Variants in DACH1 observed in about 807,000 individuals in gnomAD.
DACH1 encodes the protein dachshund homolog 1.
DACH1 carries 12 observed loss-of-function variants against 54.2 expected under a neutral mutation model. The ratio of observed to expected loss-of-function variants is 0.22; its 90% CI spans 0.14 to 0.36. DACH1 has a LOEUF of 0.36. Ranked by LOEUF, DACH1 falls within the 10% of genes least tolerant of loss-of-function variation. The pLI is 1.00. For synonymous variants in DACH1, 386 were observed against 366.2 expected (o/e 1.05, Z -0.62); for missense variants, 805 against 929.8 (o/e 0.87, Z 1.75).
intron 2 of DACH1, among the ~76,000 whole-genome samples, chr13:71,634,463 A>G (rs1490833602): frequency 6.6e-6 from 1 of 151,994 alleles, no homozygotes; most frequent in East Asian, 1.9e-4. Context: ...AAACGACTTC[A>G]TTCCTTCTTT....
intron 3 of DACH1, among the ~76,000 whole-genome samples, chr13:71,599,550 T>C (rs1211744494): frequency 6.6e-6 from 1 of 152,138 alleles, no homozygotes; most frequent in Non-Finnish European, 1.5e-5. Context: ...ACTTCTTGAA[T>C]TGGAACTGTA....
intron 1 of DACH1, among the ~76,000 whole-genome samples, chr13:71,687,108 C>T (rs147672224): frequency 1.3e-4 from 20 of 152,232 alleles, no homozygotes; most frequent in East Asian, 9.7e-4. Flanking sequence ...TGGCCCTCTC[C>T]GATCTATTTA....
chr13:71,726,955 T>C (rs1883500389), intron 1 of DACH1, among the ~76,000 whole-genome samples: 1 of 152,088 alleles, frequency 6.6e-6, no homozygotes, highest in African/African-American at 2.4e-5. Flanking sequence ...GATCTATACA[T>C]ATTTTGTTAA....
At chr13:71,608,440 A>C (rs921140346) in intron 3 of DACH1, among the ~76,000 whole-genome samples, 1 of 152,036 alleles carries the variant, frequency 6.6e-6, no homozygotes, top group African/African-American at 2.4e-5. Context: ...TGAGCTTCTG[A>C]CCTTACTAGA....
chr13:71,486,824 C>T lies in DACH1; in HGVS notation c.1722+2173G>A, dbSNP rs765448138. On this transcript the variant is annotated intron_variant, in intron 7 of 10. Transcript: ENST00000613252. ...TTTATTTATTTATTTATCTATCTAT[C>T]TATCTATCTATCTATCTATCTATCT... Among the ~76,000 whole-genome samples, 264 of 108,120 alleles carry T rather than the reference C, an allele frequency of 2.4e-3. 2 individuals carry two copies. In the East Asian group the frequency reaches 0.041, roughly 17 times the overall value. 70.9% of individuals were successfully genotyped at this position (108,120 alleles called of 152,430 possible).
At chr13:71,587,658 T>C (rs1483959656) in intron 3 of DACH1, among the ~76,000 whole-genome samples, 1 of 152,102 alleles carries the variant, frequency 6.6e-6, no homozygotes, top group Admixed American at 6.6e-5. Context: ...AAGAAAGCTT[T>C]TCTGTGCCCT....
chr13:71,590,213 C>CA (rs940470819), intron 3 of DACH1, among the ~76,000 whole-genome samples: 10 of 152,010 alleles, frequency 6.6e-5, no homozygotes, highest in Admixed American at 3.3e-4. Flanking sequence ...TATAAGCTCA[C>CA]AAAAAATCAT....
intron 1 of DACH1, among the ~76,000 whole-genome samples, chr13:71,695,238 T>C (rs990783033): frequency 6.6e-6 from 1 of 152,190 alleles, no homozygotes; most frequent in African/African-American, 2.4e-5. Context: ...GTCCAGGACC[T>C]TAGATCTGAT....
intron 10 of DACH1, among the ~76,000 whole-genome samples, chr13:71,464,234 A>G (rs1014438254): frequency 2.0e-5 from 3 of 151,974 alleles, no homozygotes; most frequent in African/African-American, 7.2e-5. Flanking sequence ...ATTAAAAAAA[A>G]TGAGCTGGTC....
chr13:71,863,434 C>G (rs769061747), intron 1 of DACH1, among the ~76,000 whole-genome samples: 78 of 152,088 alleles, frequency 5.1e-4, no homozygotes, highest in Non-Finnish European at 9.4e-4. Flanking sequence ...CCGCCTTTAA[C>G]TTAAAAATAA....
At chr13:71,678,128 A>G (rs193040100) in intron 2 of DACH1, among the ~76,000 whole-genome samples, 2 of 152,328 alleles carry the variant, frequency 1.3e-5, no homozygotes, top group Non-Finnish European at 1.5e-5. Flanking sequence ...TTCAAATGTT[A>G]CTTCTCAGAA....
rs746479441 is a variant in DACH1 at position 71,681,811 on chromosome 13, C to G, written c.948G>C (p.Gly316=). 1.2e-6 allele frequency: 2 copies of G among 1,613,584 alleles called. No individual in the cohort carries two copies. The highest frequency in any genetic ancestry group is 1.7e-6 in the Non-Finnish European group (2 of 1,179,712). The change falls in exon 2 of 11, where the codon GGG becomes GGC. Residue 316 remains glycine, a synonymous_variant. Transcript: ENST00000613252. ...CAGTCTTACCTGTTGGTGGAATTAT[C>G]CCAGGAGACATGAGACCAGGGACAG... ...PHSVPGLMSP[G]IIPPTGLTAA...
At chr13:71,525,401 A>G (rs951148417) in intron 6 of DACH1, among the ~76,000 whole-genome samples, 2 of 152,164 alleles carry the variant, frequency 1.3e-5, no homozygotes, top group Non-Finnish European at 1.5e-5. Flanking sequence ...TAACCAACTA[A>G]TGGATTAATG....
At chr13:71,850,339 C>T (rs1220466294) in intron 1 of DACH1, among the ~76,000 whole-genome samples, 1 of 152,088 alleles carries the variant, frequency 6.6e-6, no homozygotes, top group Non-Finnish European at 1.5e-5. Flanking sequence ...ACCTTCGGGC[C>T]CTTCCATGCA....
intron 1 of DACH1, among the ~76,000 whole-genome samples, chr13:71,857,447 A>G (rs1284058790): frequency 6.6e-6 from 1 of 151,382 alleles, no homozygotes; most frequent in East Asian, 1.9e-4. Context: ...CTACAGGTGT[A>G]TATGTTATGT....
At chr13:71,478,580 AAGC>A (rs1877774721) in intron 8 of DACH1, among the ~76,000 whole-genome samples, 1 of 152,190 alleles carries the variant, frequency 6.6e-6, no homozygotes, top group Non-Finnish European at 1.5e-5. Context: ...GTGACAAAAG[AAGC>A]AGTTCACAGA....
chr13:71,742,579 T>A (rs1273750757), intron 1 of DACH1, among the ~76,000 whole-genome samples: 2 of 152,194 alleles, frequency 1.3e-5, no homozygotes, highest in Admixed American at 6.5e-5. Context: ...TATTTGTAGT[T>A]TTCTCTGCAA....
At chr13:71,643,486 A>G (rs1049419017) in intron 2 of DACH1, among the ~76,000 whole-genome samples, 1 of 152,210 alleles carries the variant, frequency 6.6e-6, no homozygotes, top group South Asian at 2.1e-4. Context: ...TTCAAAAGCA[A>G]TAGATTCTCA....
chr13:71,473,916 T>C (rs932854569), intron 10 of DACH1, among the ~76,000 whole-genome samples: 1 of 152,212 alleles, frequency 6.6e-6, no homozygotes, highest in Admixed American at 6.5e-5. Context: ...ATTTTGAACA[T>C]GTGTATGTAA....
Sources: allele counts gnomAD v4.1 joint callset (sites outside exome capture counted in the v4.1 genomes callset), GRCh38; gene constraint gnomAD v4.1.1; transcripts MANE v1.5; gene names NCBI Gene and HGNC (gene_info 2026-07-23, HGNC 2026-07-21).